RAD17: variants seen among roughly 807,000 people sequenced by gnomAD.
RAD17 encodes the protein RAD17 checkpoint clamp loader component.
RAD17 carries 31 observed loss-of-function variants against 81.5 expected under a neutral mutation model. That is an observed-to-expected ratio of 0.38 (90% CI 0.29 to 0.51). The LOEUF is 0.51. Ranked by LOEUF, RAD17 falls within the 20% of genes least tolerant of loss-of-function variation. The pLI is 0.88. For synonymous variants in RAD17, 261 were observed against 266.2 expected, an observed-to-expected ratio of 0.98 and a Z score of 0.19; for missense variants, 681 against 781.2, an observed-to-expected ratio of 0.87 and a Z score of 1.53.
chr5:69,413,421 A>G (rs181984552), intron 18 of RAD17, among the ~76,000 whole-genome samples: 15 of 152,384 alleles, frequency 9.8e-5, no homozygotes, highest in Admixed American at 7.8e-4. Context: ...CCTGGGCGAT[A>G]GAGAAAGACA....
Position 69,381,823 on chromosome 5 carries a change from T to G in RAD17, c.352-78T>G, listed in dbSNP as rs545264834. 4.6e-5 allele frequency: 49 copies of G among 1,055,022 alleles called. No homozygotes were observed. In the Admixed American group the frequency reaches 7.2e-4, roughly 15 times the overall value. The allele number at this position is 1,055,022 out of a possible 1,614,324, so 65.4% of individuals were successfully genotyped here. A position where few individuals can be genotyped will look rare whatever the true frequency, so the allele number is the denominator to read the frequency against. ...CAAATATTTATAGAAGTAAATATAT[T>G]TAGAATGAAAAGTCAGAAATAATAT... On this transcript the variant is annotated intron_variant, in intron 6 of 18. Coordinates refer to ENST00000354868, the MANE Select transcript of RAD17 (RefSeq NM_133338.3).
chr5:69,390,203 T>G (rs1764464265), intron 12 of RAD17, among the ~76,000 whole-genome samples: 1 of 152,232 alleles, frequency 6.6e-6, no homozygotes, highest in African/African-American at 2.4e-5. Flanking sequence ...GGCCAGGAAC[T>G]GTGTTAGCAA....
intron 16 of RAD17, among the ~76,000 whole-genome samples, chr5:69,397,750 C>A (rs1764987766): frequency 6.6e-6 from 1 of 151,996 alleles, no homozygotes; most frequent in African/African-American, 2.4e-5. Context: ...GCCTCGCTGG[C>A]CAGGAGGAAT....
chr5:69,393,584 C>G (rs1454649743), intron 15 of RAD17, 84 bp downstream of exon 15: 3 of 1,250,358 alleles, frequency 2.4e-6, no homozygotes, highest in Non-Finnish European at 3.3e-6. Flanking sequence ...TCCCTAATTG[C>G]CTGACATTAT....
At chr5:69,369,688 G>A (rs1204799098), upstream of RAD17, 13 of 1,553,678 alleles carry the variant, frequency 8.4e-6, no homozygotes, top group Admixed American at 1.4e-4. Context: ...CCGTCGCAAA[G>A]TTGGAGGGTG....
At position 69,389,034 on chromosome 5, in the gene RAD17, A is replaced by C. The variant is rs767960341; in HGVS notation, c.895A>C (p.Asn299His). 6.9e-7 allele frequency: 1 copy of C among 1,447,532 alleles called. No homozygotes were observed. Among genetic ancestry groups the C allele is most frequent in the African/African-American group, 1.5e-5 (1 of 68,776 alleles). The allele number at this position is 1,447,532 out of a possible 1,614,324, so 89.7% of individuals were successfully genotyped here. The change falls in exon 12 of 19, where the codon AAT (asparagine) becomes CAT (histidine). Residue 299 changes from asparagine to histidine, a missense_variant and splice_region_variant. Physicochemically the swap from Asn to His is moderately conservative, Grantham distance 68. Transcript: ENST00000354868. ...TTTAAATTTAATTTTCTTATTTTAG[A>C]ATGGAGGAAAAATTACTGTCCCTGA... is the stretch of plus-strand genomic sequence containing the variant. The part of the protein sequence containing the change: ...NRIVTIEANK[N>H]GGKITVPDKT...
intron 2 of RAD17, 119 bp from the exon 3 acceptor site, chr5:69,371,335 T>G: frequency 2.0e-6 from 1 of 495,718 alleles, no homozygotes; most frequent in Non-Finnish European, 3.7e-6. Context: ...TTACTGTTCT[T>G]TTTCACTAGT....
At chr5:69,407,527 TTTCTTCTGTCTTC>T (rs1765681173) in intron 17 of RAD17, among the ~76,000 whole-genome samples, 2 of 151,526 alleles carry the variant, frequency 1.3e-5, no homozygotes, top group South Asian at 4.2e-4. Context: ...TTTGTTTATA[TTTCTTCTGTCTTC>T]TATATGTCAA....
intron 18 of RAD17, among the ~76,000 whole-genome samples, chr5:69,412,266 G>A (rs532691049): frequency 4.6e-5 from 7 of 152,072 alleles, no homozygotes; most frequent in Non-Finnish European, 7.4e-5. Flanking sequence ...ACGAGAGGCA[G>A]TATTTTCAGT....
chr5:69,369,968 A>G, intron 1 of RAD17, 35 bp downstream of exon 1: 1 of 529,460 alleles, frequency 1.9e-6, no homozygotes, highest in Non-Finnish European at 3.3e-6. Flanking sequence ...TATTATGTAT[A>G]TGTCTTAGAG....
In RAD17 at chr5:69,391,919, TA is replaced by T. The variant is rs1408639213; in HGVS notation, c.1096del (p.Arg366GlyfsTer35). On this transcript the variant is annotated frameshift_variant, in exon 13 of 19. Transcript: ENST00000354868. LOFTEE classifies it high-confidence loss of function. Reference protein sequence around the residue: ...SKSKRRKKPDRVFENQEVQAI... With the variant: ...SKSKRRKKPDXVFENQEVQAI... Reference sequence around the variant, plus strand: ...AATCAAAACGAAGAAAAAAACCTGATAGGGTTTTTGAAAATCAAGAGGTCCA... The same window carrying T: ...AATCAAAACGAAGAAAAAAACCTGATGGGTTTTTGAAAATCAAGAGGTCCA... The T allele has an allele frequency of 3.8e-6, 6 of 1,596,912 alleles. No individual in the cohort carries two copies. In the Admixed American group the frequency reaches 7.2e-5, roughly 19 times the overall value.
At chr5:69,369,722 G>A, upstream of RAD17, 1 of 1,549,808 alleles carries the variant, frequency 6.5e-7, no homozygotes, top group Non-Finnish European at 8.7e-7. Context: ...TCGGTACTTC[G>A]GGTCAGGCAG....
intron 16 of RAD17, among the ~76,000 whole-genome samples, chr5:69,398,820 A>T (rs1214654118): frequency 6.7e-6 from 1 of 148,868 alleles, no homozygotes; most frequent in East Asian, 2.0e-4. Flanking sequence ...AGAAAAAAAA[A>T]AAGTTAGATA....
intron 18 of RAD17, 93 bp downstream of exon 18, chr5:69,410,643 A>G (rs1241184895): frequency 2.6e-6 from 3 of 1,164,270 alleles, no homozygotes; most frequent in Non-Finnish European, 3.8e-6. Flanking sequence ...TGTAACATCC[A>G]AGAAAGACAT....
chr5:69,400,025 CTT>C (rs748805175), intron 16 of RAD17, 22 bp from the exon 17 acceptor site: 13 of 1,312,634 alleles, frequency 9.9e-6, no homozygotes, highest in Admixed American at 2.4e-5. Context: ...TTCCTTTCAT[CTT>C]TTTTTTTTCT....
At chr5:69,407,147 C>T (rs934178138) in intron 17 of RAD17, among the ~76,000 whole-genome samples, 1 of 151,662 alleles carries the variant, frequency 6.6e-6, no homozygotes, top group African/African-American at 2.4e-5. Context: ...GAATTACAGG[C>T]GCATACCACC....
intron 4 of RAD17, among the ~76,000 whole-genome samples, chr5:69,372,513 T>C (rs1229387052): frequency 6.6e-6 from 1 of 152,232 alleles, no homozygotes; most frequent in East Asian, 1.9e-4. Flanking sequence ...GATCTGAAGC[T>C]ATATTTTTCT....
chr5:69,413,910 G>T, intron 18 of RAD17, 121 bp from the exon 19 acceptor site: 1 of 1,204,428 alleles, frequency 8.3e-7, no homozygotes, highest in Non-Finnish European at 1.2e-6. Context: ...TAGTTAAAGG[G>T]ACTAGCTAAA....
At chr5:69,393,613 A>C in intron 15 of RAD17, 113 bp downstream of exon 15, 1 of 999,906 alleles carries the variant, frequency 1.0e-6, no homozygotes. Context: ...ACTTTTCTTC[A>C]TAACTATGCT....
Sources: gnomAD v4.1 joint callset for allele counts (sites outside exome capture counted in the v4.1 genomes callset) on GRCh38, gnomAD v4.1.1 for gene constraint, MANE v1.5 for transcripts, NCBI Gene and HGNC (gene_info 2026-07-23, HGNC 2026-07-21) for gene names.